ARK2C: variants seen among roughly 807,000 people sequenced by gnomAD.
The protein encoded by ARK2C is E3 ubiquitin-protein ligase ARK2C.
the ARK2C span, among the ~76,000 whole-genome samples, chr18:46,405,392 G>A: frequency 6.6e-6 from 1 of 152,152 alleles, no homozygotes. Context: ...AAATGTGCAG[G>A]CAGCATAGAC....
the ARK2C span, among the ~76,000 whole-genome samples, chr18:46,372,198 G>A: frequency 5.3e-5 from 8 of 152,178 alleles, no homozygotes; most frequent in Non-Finnish European, 1.2e-4. Flanking sequence ...GGCACTGAAG[G>A]GTCCTCCCTG....
At chr18:46,399,323 G>A in the ARK2C span, among the ~76,000 whole-genome samples, 1 of 152,190 alleles carries the variant, frequency 6.6e-6, no homozygotes. Context: ...GCTTGCATGG[G>A]GATCACGCGG....
the ARK2C span, among the ~76,000 whole-genome samples, chr18:46,414,042 G>C: frequency 2.0e-5 from 3 of 152,118 alleles, no homozygotes; most frequent in Non-Finnish European, 4.4e-5. Context: ...ATTTGTGTAG[G>C]GTGCTCTACA....
At chr18:46,416,019 CTTCCTGACT>C in the ARK2C span, among the ~76,000 whole-genome samples, 3 of 152,266 alleles carry the variant, frequency 2.0e-5, no homozygotes, top group East Asian at 5.8e-4. Flanking sequence ...TGTCCTCAGC[CTTCCTGACT>C]TTGCTGCTGG....
chr18:46,431,257 CTT>C, the ARK2C span, among the ~76,000 whole-genome samples: 1 of 152,192 alleles, frequency 6.6e-6, no homozygotes, highest in South Asian at 2.1e-4. Flanking sequence ...GGTAGGTTCT[CTT>C]TCTCTTTTCA....
At chr18:46,352,637 C>T in the ARK2C span, among the ~76,000 whole-genome samples, 13 of 152,238 alleles carry the variant, frequency 8.5e-5, no homozygotes, top group South Asian at 2.3e-3. Context: ...ACACCTTTAT[C>T]CACTTTCCAA....
the ARK2C span, among the ~76,000 whole-genome samples, chr18:46,396,271 G>A: frequency 6.4e-4 from 97 of 152,328 alleles, 3 homozygotes; most frequent in African/African-American, 2.3e-3. Flanking sequence ...GAGCAGAAGT[G>A]AAGAGGAGGG....
At chr18:46,460,236 C>G in the ARK2C span, 1 of 152,590 alleles carries the variant, frequency 6.6e-6, no homozygotes, top group Non-Finnish European at 1.5e-5. Context: ...AAGAAATCCC[C>G]TAAGCCCCCC....
At chr18:46,390,309 C>T in the ARK2C span, among the ~76,000 whole-genome samples, 1 of 152,214 alleles carries the variant, frequency 6.6e-6, no homozygotes, top group African/African-American at 2.4e-5. Flanking sequence ...CCAACATCTC[C>T]AGACCCTGTG....
At chr18:46,349,612 T>G in the ARK2C span, among the ~76,000 whole-genome samples, 1 of 152,224 alleles carries the variant, frequency 6.6e-6, no homozygotes, top group Non-Finnish European at 1.5e-5. Flanking sequence ...CAGGGGAAGC[T>G]GCCAGTGGTC....
chr18:46,441,149 C>T, the ARK2C span, among the ~76,000 whole-genome samples: 1 of 152,084 alleles, frequency 6.6e-6, no homozygotes, highest in Non-Finnish European at 1.5e-5. Context: ...CTGTGCCCAG[C>T]TAACTTTTTG....
the ARK2C span, among the ~76,000 whole-genome samples, chr18:46,387,667 C>G: frequency 6.6e-6 from 1 of 152,360 alleles, no homozygotes; most frequent in African/African-American, 2.4e-5. Context: ...GCAAGGGCCC[C>G]TGAATGGGAA....
the ARK2C span, among the ~76,000 whole-genome samples, chr18:46,390,545 T>G: frequency 2.6e-5 from 4 of 152,240 alleles, no homozygotes; most frequent in Non-Finnish European, 4.4e-5. Flanking sequence ...AACTCATATT[T>G]AAAGCTTGTG....
chr18:46,449,803 T>C, the ARK2C span, among the ~76,000 whole-genome samples: 332 of 152,222 alleles, frequency 2.2e-3, 2 homozygotes, highest in Middle Eastern at 0.01. Flanking sequence ...TAAACCTCCT[T>C]TTTTTTAAGT....
the ARK2C span, among the ~76,000 whole-genome samples, chr18:46,446,670 C>CAAAAAAAAAAAAA: frequency 5.8e-5 from 2 of 34,382 alleles, no homozygotes; most frequent in Admixed American, 3.5e-4. Flanking sequence ...GACTCCATCT[C>CAAAAAAAAAAAAA]AAAAAAAAAA....
chr18:46,392,907 C>A, the ARK2C span, among the ~76,000 whole-genome samples: 1 of 152,100 alleles, frequency 6.6e-6, no homozygotes, highest in Non-Finnish European at 1.5e-5. Context: ...ATCCTGCTAC[C>A]CTCTGGATTC....
chr18:46,397,370 C>T, the ARK2C span, among the ~76,000 whole-genome samples: 2 of 150,704 alleles, frequency 1.3e-5, no homozygotes, highest in East Asian at 3.9e-4. Context: ...GGGAAGGGTG[C>T]CTGTGTGTGT....
At chr18:46,456,057 G>A in the ARK2C span, 2 of 1,610,282 alleles carry the variant, frequency 1.2e-6, no homozygotes, top group Non-Finnish European at 8.5e-7. Flanking sequence ...GTCTGTCTAT[G>A]CTGGAAGATG....
the ARK2C span, among the ~76,000 whole-genome samples, chr18:46,391,404 G>A: frequency 6.6e-6 from 1 of 152,156 alleles, no homozygotes; most frequent in Non-Finnish European, 1.5e-5. Flanking sequence ...CTAGTACGGG[G>A]CTGGGCTCAC....
Sources: gnomAD v4.1 joint callset for allele counts (sites outside exome capture counted in the v4.1 genomes callset) on GRCh38, gnomAD v4.1.1 for gene constraint, MANE v1.5 for transcripts, NCBI Gene and HGNC (gene_info 2026-07-23, HGNC 2026-07-21) for gene names.